Variants in TSNARE1 observed in about 807,000 individuals in gnomAD.
TSNARE1 encodes the protein t-SNARE domain-containing protein 1.
A neutral mutation model predicts 62.0 loss-of-function variants in TSNARE1; 49 were observed. That is an observed-to-expected ratio of 0.79 (90% confidence interval 0.63 to 1.00). TSNARE1 has a LOEUF of 1.00. TSNARE1 is among the 50% of genes least tolerant of loss of function. The pLI, the probability that TSNARE1 is intolerant of heterozygous loss-of-function variation, is 0.00. For synonymous variants in TSNARE1, 328 were observed against 294.4 expected (o/e 1.11, Z -1.17); for missense variants, 755 against 700.1 (o/e 1.08, Z -0.88).
chr8:142,255,234 G>A (rs1279390689), intron 12 of TSNARE1, among the ~76,000 whole-genome samples: 1 of 151,950 alleles, frequency 6.6e-6, no homozygotes, highest in African/African-American at 2.4e-5. Flanking sequence ...GCCCTATGCA[G>A]TGCCTAGTAT....
chr8:142,314,693 G>A (rs1828245044), intron 8 of TSNARE1, among the ~76,000 whole-genome samples: 1 of 152,228 alleles, frequency 6.6e-6, no homozygotes, highest in South Asian at 2.1e-4. Context: ...GATGGCCTCT[G>A]TCCACGCGTG....
In TSNARE1 at chr8:142,342,325, C is replaced by T. The variant is rs150081452; in HGVS notation, c.745+1641G>A. 2.6e-3 allele frequency among the ~76,000 whole-genome samples: 397 copies of T among 152,314 alleles called. 3 individuals carry two copies. Among genetic ancestry groups the T allele is most frequent in the African/African-American group, 9.2e-3 (384 of 41,564 alleles). ...CAGAGATGCCTACTTAGGTCTGCCC[C>T]GTCCAGGTGGGGCTGGGAGCACTTG... is the stretch of plus-strand genomic sequence containing the variant. On this transcript the variant is annotated intron_variant, in intron 4 of 13. Coordinates refer to ENST00000524325, the MANE Select transcript of TSNARE1 (RefSeq NM_145003.5).
intron 10 of TSNARE1, among the ~76,000 whole-genome samples, chr8:142,299,621 G>T (rs544087555): frequency 6.6e-6 from 1 of 152,292 alleles, no homozygotes; most frequent in African/African-American, 2.4e-5. Flanking sequence ...ACTTACACAT[G>T]CATGCACACA....
intron 12 of TSNARE1, chr8:142,270,113 G>A (rs991501533): frequency 1.2e-5 from 12 of 985,304 alleles, no homozygotes; most frequent in South Asian, 9.4e-5. Context: ...GCCAAGGCCC[G>A]GGCTGGTCCC....
intron 9 of TSNARE1, among the ~76,000 whole-genome samples, chr8:142,311,295 T>TTTTTTTTTTTTTTTTTTTTG (rs1827569026): frequency 7.4e-6 from 1 of 134,824 alleles, no homozygotes; most frequent in Non-Finnish European, 1.6e-5. Flanking sequence ...CTCTAGTTTT[T>TTTTTTTTTTTTTTTTTTTTG]TTTTTTTTTT....
rs1404414516 is a variant in TSNARE1 at position 142,291,320 on chromosome 8, C to T, written c.1291-6835G>A. 2.0e-5 allele frequency among the ~76,000 whole-genome samples: 3 copies of T among 152,078 alleles called. No homozygotes were observed. Among genetic ancestry groups the T allele is most frequent in the Non-Finnish European group, 4.4e-5 (3 of 68,030 alleles). On this transcript the variant is annotated intron_variant, in intron 10 of 13. Transcript: ENST00000524325. The surrounding 1 kb of genome is among the most constrained non-coding windows in gnomAD (Gnocchi z 4.8). ...GAATCCCAGCTCCATGGCGTGTGAG[C>T]TGTGTGACCCTGGGCAAGCGATGGG...
intron 10 of TSNARE1, among the ~76,000 whole-genome samples, chr8:142,286,523 C>T (rs1322118180): frequency 6.6e-6 from 1 of 152,288 alleles, no homozygotes; most frequent in African/African-American, 2.4e-5. Flanking sequence ...GAAGGTGGGG[C>T]CCAGGGGTCA....
chr8:142,360,607 C>G (rs997015534), intron 1 of TSNARE1, among the ~76,000 whole-genome samples: 3 of 152,006 alleles, frequency 2.0e-5, no homozygotes, highest in Non-Finnish European at 4.4e-5. Flanking sequence ...AGGCTGGCGC[C>G]GGCCCTCCCC....
At chr8:142,261,089 AGGAGGG>A (rs1563786914) in intron 12 of TSNARE1, among the ~76,000 whole-genome samples, 10 of 45,200 alleles carry the variant, frequency 2.2e-4, no homozygotes, top group East Asian at 6.8e-4. Flanking sequence ...GAAAGGAGGA[AGGAGGG>A]AAGAGAGGGG....
At position 142,291,124 on chromosome 8, in the gene TSNARE1, G is replaced by T. The variant is rs1431714104; in HGVS notation, c.1291-6639C>A. Among the ~76,000 whole-genome samples the T allele has an allele frequency of 6.6e-6, 1 of 152,096 alleles. No individual in the cohort carries two copies. The highest frequency in any genetic ancestry group is 2.4e-5 in the African/African-American group (1 of 41,416). On this transcript the variant is annotated intron_variant, in intron 10 of 13. Coordinates refer to ENST00000524325, the MANE Select transcript of TSNARE1 (RefSeq NM_145003.5). This position sits in a 1 kb window ranked among gnomAD's most constrained non-coding sequence, Gnocchi z 4.8. ...GCTCAGGACTGGTGTCCTCAGCTGG[G>T]GATTAAGTCACTGGCTCCTGGGGCG...
At chr8:142,390,649 AGAAGCTGTACACTGCGGGGGACTCCG>A (rs1211692915) in intron 1 of TSNARE1, among the ~76,000 whole-genome samples, 8 of 13,362 alleles carry the variant, frequency 6.0e-4, no homozygotes, top group Admixed American at 9.9e-4. Context: ...ACTCTGTAAC[AGAAGCTGTACACTGCGGGGGACTCCG>A]TAACAGACGC....
chr8:142,370,024 G>A lies in TSNARE1; in HGVS notation c.-39-15261C>T, dbSNP rs140799308. On this transcript the variant is annotated intron_variant, in intron 1 of 13. Coordinates refer to ENST00000524325, the MANE Select transcript of TSNARE1 (RefSeq NM_145003.5). Reference sequence around the variant, plus strand: ...GGTAATGAGATCATGGAGGTGGAGCGCTCATGAATTGGATCAGTGCCCTTA... The same window carrying A: ...GGTAATGAGATCATGGAGGTGGAGCACTCATGAATTGGATCAGTGCCCTTA... Among the ~76,000 whole-genome samples, 960 of 152,246 alleles carry A rather than the reference G, an allele frequency of 6.3e-3. 7 individuals are homozygous for A. Among genetic ancestry groups the A allele is most frequent in the Middle Eastern group, 0.02 (6 of 294 alleles).
At chr8:142,283,476 G>C (rs529562382) in intron 11 of TSNARE1, among the ~76,000 whole-genome samples, 1,497 of 143,178 alleles carry the variant, frequency 0.01, 17 homozygotes, top group Middle Eastern at 0.026. Context: ...GAACAGAGGC[G>C]GGGCCAGTGT....
intron 12 of TSNARE1, among the ~76,000 whole-genome samples, chr8:142,244,117 C>T (rs1033387085): frequency 4.6e-5 from 7 of 152,148 alleles, no homozygotes; most frequent in Non-Finnish European, 1.0e-4. Flanking sequence ...ACCCGGGAGG[C>T]GGAGCTTGCA....
At chr8:142,403,231 A>G (rs898018434), upstream of TSNARE1, 1 of 150,668 alleles carries the variant, frequency 6.6e-6, no homozygotes, top group Admixed American at 6.6e-5. Flanking sequence ...GCACCAGCCA[A>G]TGGCCGCCGG....
At chr8:142,293,582 G>A (rs1824178836) in intron 10 of TSNARE1, among the ~76,000 whole-genome samples, 2 of 152,204 alleles carry the variant, frequency 1.3e-5, no homozygotes, top group Admixed American at 6.5e-5. Context: ...CTGGGATCCT[G>A]GACCAGCACC....
At chr8:142,333,103 G>C (rs1343037568) in intron 4 of TSNARE1, among the ~76,000 whole-genome samples, 1 of 152,260 alleles carries the variant, frequency 6.6e-6, no homozygotes, top group African/African-American at 2.4e-5. Context: ...AACTGGGGCA[G>C]GGCCGGAGGG....
intron 5 of TSNARE1, among the ~76,000 whole-genome samples, chr8:142,331,378 A>T (rs1329278901): frequency 6.6e-6 from 1 of 152,128 alleles, no homozygotes; most frequent in Non-Finnish European, 1.5e-5. Context: ...AGGCCCTGGG[A>T]TGCTCCTTCC....
At chr8:142,217,747 T>C (rs1377488338) in intron 13 of TSNARE1, among the ~76,000 whole-genome samples, 3 of 151,940 alleles carry the variant, frequency 2.0e-5, no homozygotes, top group Non-Finnish European at 1.5e-5. Flanking sequence ...TTAGGGTCAG[T>C]GTGTGACCAG....
Sources: gnomAD v4.1 joint callset for allele counts (sites outside exome capture counted in the v4.1 genomes callset) on GRCh38, gnomAD v4.1.1 for gene constraint, Gnocchi (gnomAD v3.1) non-coding constraint, MANE v1.5 for transcripts, NCBI Gene and HGNC (gene_info 2026-07-23, HGNC 2026-07-21) for gene names.